Variants in GRIK4 observed in about 807,000 individuals in gnomAD.
The protein encoded by GRIK4 is glutamate ionotropic receptor kainate type subunit 4, also known as glutamate receptor ionotropic, kainate 4.
GRIK4 carries 40 observed loss-of-function variants against 104.9 expected under a neutral mutation model. The ratio of observed to expected loss-of-function variants is 0.38; its 90% CI spans 0.30 to 0.50. GRIK4 has a LOEUF of 0.50. Among genes scored for constraint, GRIK4 ranks in the 20% least tolerant of loss-of-function variants. The pLI is 0.93. For missense variants in GRIK4, 1,047 were observed against 1,308.1 expected (o/e 0.80, Z 3.08); for synonymous variants, 485 against 524.9 (o/e 0.92, Z 1.04).
At chr11:120,765,673 G>A (rs540681818) in intron 3 of GRIK4, among the ~76,000 whole-genome samples, 4 of 152,302 alleles carry the variant, frequency 2.6e-5, no homozygotes, top group African/African-American at 7.2e-5. Context: ...TGATGTTGAT[G>A]TTGTTGCTTT....
intron 14 of GRIK4, among the ~76,000 whole-genome samples, chr11:120,942,711 G>GAA (rs531048496): frequency 2.4e-4 from 37 of 152,258 alleles, no homozygotes; most frequent in Non-Finnish European, 4.6e-4. Context: ...CCTACCACCT[G>GAA]AAAACCTGTA....
intron 1 of GRIK4, among the ~76,000 whole-genome samples, chr11:120,532,093 C>T (rs550463619): frequency 2.6e-5 from 4 of 152,320 alleles, no homozygotes; most frequent in East Asian, 1.9e-4. Context: ...GAACACGGAG[C>T]AAGACAGCCA....
chr11:120,724,849 C>T (rs551996684), intron 3 of GRIK4, among the ~76,000 whole-genome samples: 102 of 152,330 alleles, frequency 6.7e-4, no homozygotes, highest in African/African-American at 2.4e-3. Flanking sequence ...TCACCCTCTT[C>T]ACTCTTGCCA....
intron 3 of GRIK4, among the ~76,000 whole-genome samples, chr11:120,783,432 C>A (rs1262039057): frequency 6.6e-6 from 1 of 152,116 alleles, no homozygotes; most frequent in East Asian, 1.9e-4. Context: ...TTCCTTCTCG[C>A]CTTCCCTGTT....
Position 120,862,038 on chromosome 11 carries a change from A to T in GRIK4, c.824A>T (p.His275Leu), listed in dbSNP as rs1446358578. The T allele has an allele frequency of 1.9e-6, 3 of 1,613,888 alleles. No homozygotes were observed. Among genetic ancestry groups the T allele is most frequent in the African/African-American group, 1.3e-5 (1 of 74,936 alleles). The change falls in exon 9 of 21, where the codon CAT becomes CTT. Residue 275 changes from histidine (H) to leucine (L), a missense_variant. Physicochemically the swap from His to Leu is moderately conservative, Grantham distance 99 (BLOSUM62 -3). Transcript: ENST00000527524. ...GGATTTTCCATTTTCAACCAATCCC[A>T]TGCTTTCTTCCAAGAGTTTGCCCAG... Reference protein sequence around the residue: ...ILGFSIFNQSHAFFQEFAQSL... With the variant: ...ILGFSIFNQSLAFFQEFAQSL...
intron 4 of GRIK4, among the ~76,000 whole-genome samples, chr11:120,807,315 C>G (rs1424757242): frequency 6.6e-6 from 1 of 152,188 alleles, no homozygotes; most frequent in African/African-American, 2.4e-5. Flanking sequence ...CAACCTGAGG[C>G]TCCGTCCCAG....
At chr11:120,804,265 G>A (rs1256535968) in intron 4 of GRIK4, among the ~76,000 whole-genome samples, 1 of 152,200 alleles carries the variant, frequency 6.6e-6, no homozygotes, top group Non-Finnish European at 1.5e-5. Context: ...CAAAACAAAA[G>A]AACAACTTGC....
At chr11:120,749,813 G>A (rs966733572) in intron 3 of GRIK4, among the ~76,000 whole-genome samples, 15 of 152,190 alleles carry the variant, frequency 9.9e-5, no homozygotes, top group Non-Finnish European at 5.9e-5. Context: ...AGCGGTGGGC[G>A]GGGGGAAGTT....
Position 120,748,864 on chromosome 11 carries a change from G to A in GRIK4, c.83-53829G>A, listed in dbSNP as rs952309313. Among the ~76,000 whole-genome samples, 7 of 152,218 alleles carry A rather than the reference G, an allele frequency of 4.6e-5. No homozygotes were observed. The South Asian group carries it at 6.2e-4, about 14-fold the overall frequency. On this transcript the variant is annotated intron_variant, in intron 3 of 20. Coordinates refer to ENST00000527524, the MANE Select transcript of GRIK4 (RefSeq NM_014619.5). Reference sequence around the variant, plus strand: ...TGCAGCCTTCCATCTGCCCAAGACCGTTAGGGAAATCTGCCTGTTGTTCCT... The same window carrying A: ...TGCAGCCTTCCATCTGCCCAAGACCATTAGGGAAATCTGCCTGTTGTTCCT...
chr11:120,631,424 G>A (rs575952737), intron 1 of GRIK4, among the ~76,000 whole-genome samples: 3 of 152,272 alleles, frequency 2.0e-5, no homozygotes, highest in South Asian at 2.1e-4. Flanking sequence ...AGGATGTGAC[G>A]CTACTAAAGC....
At chr11:120,730,951 ATAG>A (rs1345523206) in intron 3 of GRIK4, among the ~76,000 whole-genome samples, 9 of 152,300 alleles carry the variant, frequency 5.9e-5, no homozygotes, top group Admixed American at 2.0e-4. Context: ...ATCAGTTCTA[ATAG>A]TTTTTTGGTG....
At chr11:120,936,428 G>C (rs1416378104) in intron 13 of GRIK4, 25 of 247,574 alleles carry the variant, frequency 1.0e-4, no homozygotes, top group Non-Finnish European at 1.8e-4. Flanking sequence ...GAGAGATACG[G>C]GTTTCATTTC....
intron 11 of GRIK4, among the ~76,000 whole-genome samples, chr11:120,895,015 G>T (rs1942538950): frequency 6.6e-6 from 1 of 152,114 alleles, no homozygotes; most frequent in Non-Finnish European, 1.5e-5. Flanking sequence ...TTCATTTCCT[G>T]ACTGGAGCTT....
intron 19 of GRIK4, among the ~76,000 whole-genome samples, chr11:120,981,488 G>C (rs1944651668): frequency 6.6e-6 from 1 of 152,220 alleles, no homozygotes; most frequent in Non-Finnish European, 1.5e-5. Flanking sequence ...GATACTGATT[G>C]AGTAGGTCTG....
At chr11:120,942,611 C>T (rs1365046100) in intron 14 of GRIK4, among the ~76,000 whole-genome samples, 2 of 152,184 alleles carry the variant, frequency 1.3e-5, no homozygotes, top group African/African-American at 4.8e-5. Context: ...ACCTAGGGCA[C>T]CACTGTCCTG....
intron 1 of GRIK4, among the ~76,000 whole-genome samples, chr11:120,514,247 T>C (rs1400464073): frequency 6.6e-6 from 1 of 152,180 alleles, no homozygotes; most frequent in Admixed American, 6.5e-5. Context: ...TAATCCCTTA[T>C]GTGTGTATGG....
At chr11:120,529,122 T>C (rs556003008) in intron 1 of GRIK4, among the ~76,000 whole-genome samples, 3 of 151,970 alleles carry the variant, frequency 2.0e-5, no homozygotes, top group East Asian at 3.9e-4. Flanking sequence ...TGAGCCTGCA[T>C]AACCCCCCAC....
At chr11:120,530,225 T>A (rs1947909453) in intron 1 of GRIK4, among the ~76,000 whole-genome samples, 1 of 152,274 alleles carries the variant, frequency 6.6e-6, no homozygotes, top group South Asian at 2.1e-4. Context: ...TATTTATTAC[T>A]CATGCTCCAC....
intron 3 of GRIK4, among the ~76,000 whole-genome samples, chr11:120,785,647 A>G (rs1180789157): frequency 2.6e-5 from 4 of 152,210 alleles, no homozygotes; most frequent in Non-Finnish European, 5.9e-5. Context: ...AACGTGCCTA[A>G]CATTTGCCTG....
Sources: gnomAD v4.1 joint callset for allele counts (sites outside exome capture counted in the v4.1 genomes callset) on GRCh38, gnomAD v4.1.1 for gene constraint, MANE v1.5 for transcripts, NCBI Gene and HGNC (gene_info 2026-07-23, HGNC 2026-07-21) for gene names.